Variants in PRPF6 observed in about 807,000 individuals in gnomAD.
PRPF6 encodes pre-mRNA processing factor 6.
Under a neutral mutation model 118.3 loss-of-function variants are expected in PRPF6, and 42 were observed. That is an observed-to-expected ratio of 0.35 (90% confidence interval 0.28 to 0.46). PRPF6 has a LOEUF of 0.46. PRPF6 is among the 20% of genes least tolerant of loss of function. The pLI is 1.00. For synonymous variants in PRPF6, 481 were observed against 485.1 expected (o/e 0.99, Z 0.11); for missense variants, 662 against 1,255.7 (o/e 0.53, Z 7.15).
chr20:63,984,292 G>A (rs2059084053), intron 2 of PRPF6, among the ~76,000 whole-genome samples: 1 of 152,012 alleles, frequency 6.6e-6, no homozygotes, highest in African/African-American at 2.4e-5. Flanking sequence ...ATGGTGGCAT[G>A]TGCCTGTAGT....
At chr20:64,013,374 A>C (rs1005427179) in intron 11 of PRPF6, among the ~76,000 whole-genome samples, 11 of 152,170 alleles carry the variant, frequency 7.2e-5, no homozygotes, top group African/African-American at 2.4e-4. Context: ...ATAAATAATG[A>C]AATTACTATT....
chr20:64,027,439 C>A lies in PRPF6; in HGVS notation c.2206-164C>A, dbSNP rs915616828. Among the ~76,000 whole-genome samples, 1 of 152,176 alleles carries A rather than the reference C, an allele frequency of 6.6e-6. No individual in the cohort carries two copies. Among genetic ancestry groups the A allele is most frequent in the Non-Finnish European group, 1.5e-5 (1 of 68,040 alleles). ...TGTGTGCACAGGTCCACAGCACCAC[C>A]GCACACCTGTACACCCACAAATGCA... On this transcript the variant is annotated intron_variant, in intron 16 of 20. Transcript: ENST00000266079. This position sits in a 1 kb window ranked among gnomAD's most constrained non-coding sequence, Gnocchi z 6.5.
intron 13 of PRPF6, among the ~76,000 whole-genome samples, chr20:64,024,278 C>T (rs746732111): frequency 7.9e-5 from 12 of 152,160 alleles, no homozygotes; most frequent in Non-Finnish European, 1.5e-4. Context: ...CCAGGACACA[C>T]GGCTGTAAAA....
chr20:64,017,277 AT>A (rs1356312037), intron 12 of PRPF6, among the ~76,000 whole-genome samples: 70 of 106,822 alleles, frequency 6.6e-4, no homozygotes, highest in Non-Finnish European at 3.7e-5. Flanking sequence ...GTGAGCCGCC[AT>A]GCCTGGCCTC....
intron 9 of PRPF6, among the ~76,000 whole-genome samples, chr20:64,005,341 G>T (rs2059185215): frequency 6.6e-6 from 1 of 152,118 alleles, no homozygotes; most frequent in South Asian, 2.1e-4. Context: ...CTTTAGAGAC[G>T]CGAAGTTCAT....
intron 14 of PRPF6, 146 bp from the exon 15 acceptor site, chr20:64,025,793 C>A: frequency 1.4e-6 from 2 of 1,445,156 alleles, no homozygotes; most frequent in South Asian, 1.2e-5. Flanking sequence ...TCTGTCATCT[C>A]CTCCCTGGGA....
chr20:64,027,238 C>A lies in PRPF6; in HGVS notation c.2205+80C>A. ...AGCCCCCTGGTGCAGGGTCATTGCC[C>A]TTCGCCTCTGAGGAGATGTGGAGGG... On this transcript the variant is annotated intron_variant, in intron 16 of 20. Coordinates refer to ENST00000266079, the MANE Select transcript of PRPF6 (RefSeq NM_012469.4). The surrounding 1 kb of genome is among the most constrained non-coding windows in gnomAD (Gnocchi z 6.5). The A allele has an allele frequency of 6.5e-7, 1 of 1,549,108 alleles. No homozygotes were observed. The highest frequency in any genetic ancestry group is 8.8e-7 in the Non-Finnish European group (1 of 1,134,984).
At chr20:64,024,324 A>G (rs942012369) in intron 13 of PRPF6, among the ~76,000 whole-genome samples, 2 of 152,182 alleles carry the variant, frequency 1.3e-5, no homozygotes, top group African/African-American at 4.8e-5. Context: ...CAGCTCTGCT[A>G]TTTAAACAAT....
At chr20:64,024,077 C>T (rs1302838335) in intron 13 of PRPF6, among the ~76,000 whole-genome samples, 1 of 152,198 alleles carries the variant, frequency 6.6e-6, no homozygotes, top group African/African-American at 2.4e-5. Flanking sequence ...AGCATCAGAC[C>T]TGATGCCCAC....
chr20:64,009,279 C>CAAAAAAAAA (rs59045216), intron 9 of PRPF6, among the ~76,000 whole-genome samples: 1 of 38,228 alleles, frequency 2.6e-5, no homozygotes, highest in African/African-American at 9.6e-5. Flanking sequence ...GACTCCATCG[C>CAAAAAAAAA]AAAAAAAAAA....
intron 6 of PRPF6, 84 bp from the exon 7 acceptor site, chr20:63,998,961 T>A: frequency 4.5e-6 from 4 of 886,888 alleles, no homozygotes; most frequent in South Asian, 4.1e-5. Context: ...CTCAGGGTTG[T>A]GGGAGGGGCA....
rs1231191438 is a variant in PRPF6, at chr20:64,002,645, C to CTTTTT, written c.1186+1418_1186+1422dup. ...GCCCCTGTGCCTGGCCTTTTCTTTT[C>CTTTTT]TTTTTTTTTTTTTTTTGAGATGGAG... On this transcript the variant is annotated intron_variant, in intron 9 of 20. Coordinates refer to ENST00000266079, the MANE Select transcript of PRPF6 (RefSeq NM_012469.4). Among the ~76,000 whole-genome samples, 8 of 98,352 alleles carry CTTTTT rather than the reference C, an allele frequency of 8.1e-5. No individual in the cohort carries two copies. In the South Asian group the frequency reaches 2.4e-3, roughly 29 times the overall value. The allele number at this position is 98,352 out of a possible 152,430, so 64.5% of individuals were successfully genotyped here.
intron 11 of PRPF6, among the ~76,000 whole-genome samples, chr20:64,015,375 G>A (rs904596287): frequency 7.9e-5 from 12 of 152,324 alleles, no homozygotes; most frequent in African/African-American, 2.6e-4. Flanking sequence ...TTGTGCCAGC[G>A]TCTCTGCCTC....
intron 4 of PRPF6, 31 bp from the exon 5 acceptor site, chr20:63,994,885 A>C (rs767430134): frequency 6.2e-7 from 1 of 1,613,862 alleles, no homozygotes; most frequent in Non-Finnish European, 8.5e-7. Flanking sequence ...CTGTCAGAGA[A>C]TTAATGTTTT....
chr20:64,023,459 C>T (rs190851011), intron 13 of PRPF6, among the ~76,000 whole-genome samples: 20 of 152,298 alleles, frequency 1.3e-4, no homozygotes, highest in Non-Finnish European at 2.5e-4. Flanking sequence ...CCCCACGCAC[C>T]CTCTGTCCGT....
chr20:64,027,818 A>G lies in PRPF6; in HGVS notation c.2339+82A>G. The stretch of plus-strand genomic sequence containing the variant: ...CGCCGTCACCCAGCTGCTTGTGTGG[A>G]GTCACTCGTGCAGTGCTTCCAGGCT... On this transcript the variant is annotated intron_variant, in intron 17 of 20. Coordinates refer to ENST00000266079, the MANE Select transcript of PRPF6 (RefSeq NM_012469.4). The surrounding 1 kb of genome is among the most constrained non-coding windows in gnomAD (Gnocchi z 6.5). 1 of 1,586,960 alleles carries G rather than the reference A, an allele frequency of 6.3e-7. No homozygotes were observed.
In PRPF6 at chr20:64,028,925, C is replaced by G. The variant is rs2059303079; in HGVS notation, c.2431+356C>G. 6.6e-6 allele frequency among the ~76,000 whole-genome samples: 1 copy of G among 152,174 alleles called. No homozygotes were observed. Among genetic ancestry groups the G allele is most frequent in the African/African-American group, 2.4e-5 (1 of 41,436 alleles). On this transcript the variant is annotated intron_variant, in intron 18 of 20. Transcript: ENST00000266079. This position sits in a 1 kb window ranked among gnomAD's most constrained non-coding sequence, Gnocchi z 6.5. ...CCTGTAATCTCAGCACTTTGAGAGA[C>G]TGAGGCGGGAGGATTGCTTGAGTCC...
At chr20:63,995,616 T>TTCTCC in intron 6 of PRPF6, 134 bp downstream of exon 6, 1 of 213,392 alleles carries the variant, frequency 4.7e-6, no homozygotes, top group Non-Finnish European at 8.1e-6. Context: ...CTCCTTCTCC[T>TTCTCC]TTTTTTTTTT....
At chr20:63,996,322 G>A (rs185849552) in intron 6 of PRPF6, among the ~76,000 whole-genome samples, 37 of 152,186 alleles carry the variant, frequency 2.4e-4, no homozygotes, top group Non-Finnish European at 4.1e-4. Flanking sequence ...CTGGGCAACA[G>A]AGTGAGACTG....
Sources: gnomAD v4.1 joint callset for allele counts (sites outside exome capture counted in the v4.1 genomes callset) on GRCh38, gnomAD v4.1.1 for gene constraint, Gnocchi (gnomAD v3.1) non-coding constraint, MANE v1.5 for transcripts, NCBI Gene and HGNC (gene_info 2026-07-23, HGNC 2026-07-21) for gene names.